MNAT1: variants seen among roughly 807,000 people sequenced by gnomAD.
The protein encoded by MNAT1 is MNAT1 component of CDK activating kinase.
In MNAT1, 43 loss-of-function variants were observed where a neutral mutation model predicts 42.0. The observed-to-expected ratio is 1.02, with a 90% CI of 0.80 to 1.32. The LOEUF (loss-of-function observed/expected upper bound fraction) is 1.32. MNAT1 is among the 40% of genes most tolerant of loss of function. The probability of loss-of-function intolerance (pLI) is 0.00; values close to 1 mark genes in which losing one functional copy is unlikely to be tolerated. For missense variants in MNAT1, 306 were observed against 350.4 expected, an observed-to-expected ratio of 0.87 and a Z score of 1.01; for synonymous variants, 118 against 120.0, an observed-to-expected ratio of 0.98 and a Z score of 0.11.
intron 1 of MNAT1, among the ~76,000 whole-genome samples, chr14:60,741,658 GTTTTTTTTTT>G (rs3049888): frequency 2.2e-5 from 2 of 92,022 alleles, no homozygotes; most frequent in African/African-American, 8.2e-5. Flanking sequence ...TGCGCCTGGG[GTTTTTTTTTT>G]TTTTTTTTTT....
At chr14:60,799,158 T>C (rs2032118822) in intron 3 of MNAT1, 8 of 765,056 alleles carry the variant, frequency 1.0e-5, no homozygotes, top group Non-Finnish European at 1.3e-5. Flanking sequence ...CAAAAGCATG[T>C]GGAAAACATA....
intron 4 of MNAT1, 87 bp from the exon 5 acceptor site, chr14:60,811,900 T>G: frequency 1.0e-6 from 1 of 971,812 alleles, no homozygotes; most frequent in East Asian, 2.7e-5. Context: ...TGTTTTATGC[T>G]TCCAATAAAG....
At chr14:60,872,702 A>G (rs2034352520) in intron 6 of MNAT1, among the ~76,000 whole-genome samples, 1 of 151,772 alleles carries the variant, frequency 6.6e-6, no homozygotes, top group Middle Eastern at 3.4e-3. Flanking sequence ...CAAATATTCC[A>G]TGATCTATTT....
intron 7 of MNAT1, among the ~76,000 whole-genome samples, chr14:60,943,547 G>A (rs566520854): frequency 3.3e-5 from 5 of 151,968 alleles, no homozygotes; most frequent in South Asian, 2.1e-4. Context: ...ATATCATCTC[G>A]TTAGAGTCAA....
At chr14:60,863,771 T>G (rs1365752233) in intron 6 of MNAT1, among the ~76,000 whole-genome samples, 1 of 152,094 alleles carries the variant, frequency 6.6e-6, no homozygotes, top group Non-Finnish European at 1.5e-5. Context: ...GATTTTGCTG[T>G]ATTGTTTTTG....
chr14:60,803,098 A>AT lies in MNAT1; in HGVS notation c.316+4948dup, dbSNP rs113198036. ...AGGCGCCCACCACCATGCCTGGCTA[A>AT]TTTTTTTTTTGTATTTTTAGTAGAA... On this transcript the variant is annotated intron_variant, in intron 3 of 7. Coordinates refer to ENST00000261245, the MANE Select transcript of MNAT1 (RefSeq NM_002431.4). Among the ~76,000 whole-genome samples, 1,240 of 147,998 alleles carry AT rather than the reference A, an allele frequency of 8.4e-3. 9 individuals carry two copies. The highest frequency in any genetic ancestry group is 0.013 in the Admixed American group (197 of 14,842).
intron 7 of MNAT1, among the ~76,000 whole-genome samples, chr14:60,907,051 CCTTT>C (rs1002724250): frequency 9.9e-5 from 15 of 152,188 alleles, no homozygotes; most frequent in African/African-American, 2.9e-4. Context: ...TTTTCAAGCT[CCTTT>C]CTAACAAAAT....
intron 7 of MNAT1, among the ~76,000 whole-genome samples, chr14:60,937,591 G>A (rs1049077905): frequency 1.3e-5 from 2 of 152,050 alleles, no homozygotes; most frequent in Admixed American, 1.3e-4. Flanking sequence ...TGGTCTATAT[G>A]TCTGTTTTGG....
At chr14:60,918,551 A>T (rs2035582865) in intron 7 of MNAT1, among the ~76,000 whole-genome samples, 1 of 151,756 alleles carries the variant, frequency 6.6e-6, no homozygotes. Context: ...AAATACCTTT[A>T]TGTGGACACT....
At chr14:60,905,278 G>A (rs2139513313) in intron 7 of MNAT1, among the ~76,000 whole-genome samples, 1 of 152,032 alleles carries the variant, frequency 6.6e-6, no homozygotes, top group East Asian at 1.9e-4. Flanking sequence ...TTCTATGAAA[G>A]ATCTAACATT....
intron 6 of MNAT1, among the ~76,000 whole-genome samples, chr14:60,836,957 G>C (rs1287667527): frequency 6.6e-6 from 1 of 152,236 alleles, no homozygotes; most frequent in Non-Finnish European, 1.5e-5. Flanking sequence ...GGAATCTAGA[G>C]AGGCAGTCAG....
chr14:60,904,928 T>C (rs374399602), intron 7 of MNAT1, among the ~76,000 whole-genome samples: 1 of 150,024 alleles, frequency 6.7e-6, no homozygotes, highest in East Asian at 2.0e-4. Flanking sequence ...TGAAACCTCA[T>C]TGTATAGCTC....
chr14:60,963,348 T>C (rs2036630072), intron 7 of MNAT1, among the ~76,000 whole-genome samples: 1 of 152,216 alleles, frequency 6.6e-6, no homozygotes, highest in Admixed American at 6.5e-5. Context: ...TAGTGTCTTT[T>C]CTCATTTATC....
intron 1 of MNAT1, among the ~76,000 whole-genome samples, chr14:60,768,082 G>A (rs1012462675): frequency 6.6e-6 from 1 of 151,456 alleles, no homozygotes; most frequent in Non-Finnish European, 1.5e-5. Context: ...TGTATTTTTA[G>A]TACAGTCAGT....
intron 7 of MNAT1, among the ~76,000 whole-genome samples, chr14:60,882,737 G>A (rs1652275645): frequency 6.6e-6 from 1 of 151,970 alleles, no homozygotes; most frequent in Non-Finnish European, 1.5e-5. Flanking sequence ...ATCCTCTCCA[G>A]TACTCGTTAC....
At chr14:60,843,665 G>A (rs1239817539) in intron 6 of MNAT1, among the ~76,000 whole-genome samples, 3 of 152,190 alleles carry the variant, frequency 2.0e-5, no homozygotes, top group East Asian at 1.9e-4. Context: ...CTATTGATTT[G>A]TAAAATGTTT....
At position 60,899,335 on chromosome 14, in the gene MNAT1, T is replaced by C. The variant is rs149803845; in HGVS notation, c.809+19500T>C. Among the ~76,000 whole-genome samples, 32 of 152,322 alleles carry C rather than the reference T, an allele frequency of 2.1e-4. No individual in the cohort carries two copies. In the East Asian group the frequency reaches 4.8e-3, roughly 23 times the overall value. The stretch of plus-strand genomic sequence containing the variant: ...TAATGTCCTGAGTCACAAGACATGA[T>C]AATATCTATTATTATATCATCAGTA... On this transcript the variant is annotated intron_variant, in intron 7 of 7. Coordinates refer to ENST00000261245, the MANE Select transcript of MNAT1 (RefSeq NM_002431.4).
At chr14:60,956,539 C>T (rs2036490598) in intron 7 of MNAT1, among the ~76,000 whole-genome samples, 1 of 152,120 alleles carries the variant, frequency 6.6e-6, no homozygotes, top group South Asian at 2.1e-4. Flanking sequence ...GTAATTCCAG[C>T]TTAGTGTTCC....
chr14:60,963,135 C>G (rs2036626107), intron 7 of MNAT1, among the ~76,000 whole-genome samples: 1 of 152,098 alleles, frequency 6.6e-6, no homozygotes, highest in African/African-American at 2.4e-5. Context: ...GTGCGTGCCA[C>G]CACGCCCGGC....
Sources: allele counts gnomAD v4.1 joint callset (sites outside exome capture counted in the v4.1 genomes callset), GRCh38; gene constraint gnomAD v4.1.1; transcripts MANE v1.5; gene names NCBI Gene and HGNC (gene_info 2026-07-23, HGNC 2026-07-21).